ACAP3: variants seen among roughly 807,000 people sequenced by gnomAD.
ACAP3 encodes the protein arf-GAP with coiled-coil, ANK repeat and PH domain-containing protein 3.
Under a neutral mutation model 104.1 loss-of-function variants are expected in ACAP3, and 56 were observed. The ratio of observed to expected loss-of-function variants is 0.54; its 90% CI spans 0.43 to 0.67. The LOEUF (loss-of-function observed/expected upper bound fraction) is 0.67. Ranked by LOEUF, ACAP3 falls within the 30% of genes least tolerant of loss-of-function variation. ACAP3 has a pLI of 0.00. For missense variants in ACAP3, 1,208 were observed against 1,174.9 expected (o/e 1.03, Z -0.41); for synonymous variants, 628 against 496.2 (o/e 1.27, Z -3.53).
At chr1:1,300,315 T>C in intron 6 of ACAP3, 113 bp from the exon 7 acceptor site, 1 of 1,364,990 alleles carries the variant, frequency 7.3e-7, no homozygotes, top group Non-Finnish European at 9.9e-7. Flanking sequence ...CCCCAGGTCG[T>C]CTTCAGCTCC....
chr1:1,306,892 C>T (rs1281827834), intron 1 of ACAP3, among the ~76,000 whole-genome samples: 2 of 152,218 alleles, frequency 1.3e-5, no homozygotes, highest in Admixed American at 6.5e-5. Flanking sequence ...TGTGTGCACA[C>T]GCTTGCGTGC....
Position 1,300,685 on chromosome 1 carries a change from G to T in ACAP3, c.346C>A (p.Arg116=). Reference sequence around the variant, plus strand: ...TGCTTCTTTGTCTCCTTGAACTTCCGCACATCCCTGGAGGCCAAGTGCCAG... The same window carrying T: ...TGCTTCTTTGTCTCCTTGAACTTCCTCACATCCCTGGAGGCCAAGTGCCAG... ...QLQSFVKEDV[R]KFKETKKQFD... Residue 116 remains arginine (R), a synonymous_variant, in exon 6 of 24, where the codon CGG becomes AGG. Coordinates refer to ENST00000354700, the MANE Select transcript of ACAP3 (RefSeq NM_030649.3). The T allele has an allele frequency of 1.2e-6, 2 of 1,607,930 alleles. No individual in the cohort carries two copies. The highest frequency in any genetic ancestry group is 1.7e-6 in the Non-Finnish European group (2 of 1,178,420).
chr1:1,295,367 G>A (rs1348475789), intron 19 of ACAP3, 80 bp downstream of exon 19: 1 of 1,344,672 alleles, frequency 7.4e-7, no homozygotes, highest in African/African-American at 1.4e-5. Flanking sequence ...CCCTGGCAAG[G>A]GCCATCCACA....
chr1:1,298,627 C>T lies in ACAP3; in HGVS notation c.803G>A (p.Gly268Glu). Residue 268 changes from glycine to glutamate, a missense_variant, in exon 11 of 24, where the codon GGG becomes GAG. By Grantham distance (98) the Gly-to-Glu change is moderately conservative (BLOSUM62 -2). Coordinates refer to ENST00000354700, the MANE Select transcript of ACAP3 (RefSeq NM_030649.3). Reference sequence around the variant, plus strand: ...GAAGAGGTAGCCCTCCATCACCACCCCACTGGGCGCGTCCACGTCAAACTC... The same window carrying T: ...GAAGAGGTAGCCCTCCATCACCACCTCACTGGGCGCGTCCACGTCAAACTC... ...KVEFDVDAPS[G>E]VVMEGYLFKR... The T allele has an allele frequency of 1.2e-6, 2 of 1,612,494 alleles. No individual in the cohort carries two copies. Among genetic ancestry groups the T allele is most frequent in the Non-Finnish European group, 1.7e-6 (2 of 1,179,838 alleles).
At position 1,303,988 on chromosome 1, in the gene ACAP3, G is replaced by A. The variant is rs548627142; in HGVS notation, c.105+98C>T. The stretch of plus-strand genomic sequence containing the variant: ...GCACCACACGCATGCTCCACATATG[G>A]GGGGTGTAAGTGGCTTAGTAAGGCC... On this transcript the variant is annotated intron_variant, in intron 2 of 23. Transcript: ENST00000354700. The surrounding 1 kb of genome is among the most constrained non-coding windows in gnomAD (Gnocchi z 4.0). 1.5e-4 allele frequency: 212 copies of A among 1,401,250 alleles called. No homozygotes were observed. The African/African-American group carries it at 2.8e-3, about 18-fold the overall frequency. 86.8% of individuals were successfully genotyped at this position (1,401,250 alleles called of 1,614,324 possible). A position where few individuals can be genotyped will look rare whatever the true frequency, so the allele number is the denominator to read the frequency against.
rs2297234 is a variant in ACAP3 at position 1,298,200 on chromosome 1, G to T, written c.916-87C>A. On this transcript the variant is annotated intron_variant, in intron 12 of 23. Transcript: ENST00000354700. ...CCTGCTTCACCTTGGAGACCCGGAG[G>T]CCGACTGCCTGAGCCCCAAGCCCCG... 0.032 allele frequency: 49,867 copies of T among 1,561,850 alleles called. 7,687 individuals carry two copies. The East Asian group carries it at 0.48, about 15-fold the overall frequency.
chr1:1,298,618 A>G lies in ACAP3; in HGVS notation c.812T>C (p.Met271Thr), dbSNP rs758121165. 1.2e-6 allele frequency: 2 copies of G among 1,607,472 alleles called. No homozygotes were observed. Among genetic ancestry groups the G allele is most frequent in the African/African-American group, 1.4e-5 (1 of 73,092 alleles). The change falls in exon 11 of 24, where the codon ATG (methionine) becomes ACG (threonine). Residue 271 changes from methionine (M) to threonine (T), a missense_variant. Met to Thr is a moderately conservative substitution (Grantham distance 81). Coordinates refer to ENST00000354700, the MANE Select transcript of ACAP3 (RefSeq NM_030649.3). Reference protein sequence around the residue: ...FDVDAPSGVVMEGYLFKRASN... With the variant: ...FDVDAPSGVVTEGYLFKRASN... The stretch of plus-strand genomic sequence containing the variant: ...GGCCCTCTTGAAGAGGTAGCCCTCC[A>G]TCACCACCCCACTGGGCGCGTCCAC...
In ACAP3 at chr1:1,296,016, G is replaced by A. The variant is rs369571322; in HGVS notation, c.1501C>T (p.Arg501Trp). 2.5e-5 allele frequency: 40 copies of A among 1,612,586 alleles called. No homozygotes were observed. Among genetic ancestry groups the A allele is most frequent in the African/African-American group, 1.6e-4 (12 of 74,894 alleles). ...GATCCAGACTGTACCCCACCTCACC[G>A]GGAGCTGCTGGCTGTGGGTTTCCTG... ...GSRKPTASSS[R>W]QDKEAWIKDK... is the part of the protein sequence containing the mutation. The change falls in exon 17 of 24, where the codon CGG becomes TGG. Residue 501 changes from arginine (R) to tryptophan (W), a missense_variant and splice_region_variant. By Grantham distance (101) the Arg-to-Trp change is moderately radical. Coordinates refer to ENST00000354700, the MANE Select transcript of ACAP3 (RefSeq NM_030649.3).
chr1:1,306,867 C>G (rs1641737353), intron 1 of ACAP3, among the ~76,000 whole-genome samples: 1 of 152,250 alleles, frequency 6.6e-6, no homozygotes, highest in Non-Finnish European at 1.5e-5. Context: ...TACGTGAACC[C>G]ACACAGACAG....
rs1308132333 is a variant in ACAP3 at position 1,295,996 on chromosome 1, A to C, written c.1502+19T>G. The C allele has an allele frequency of 1.9e-6, 3 of 1,612,750 alleles. No homozygotes were observed. Among genetic ancestry groups the C allele is most frequent in the Non-Finnish European group, 2.5e-6 (3 of 1,179,952 alleles). On this transcript the variant is annotated intron_variant, in intron 17 of 23. Transcript: ENST00000354700. ...CAGGCTGGGGCTCCCTGACTGATCCAGACTGTACCCCACCTCACCGGGAGC... is the reference window on the plus strand; with the variant it reads ...CAGGCTGGGGCTCCCTGACTGATCCCGACTGTACCCCACCTCACCGGGAGC...
chr1:1,293,554 C>T lies in ACAP3; in HGVS notation c.*10G>A. The stretch of plus-strand genomic sequence containing the variant: ...CCGGGCGGGGTGGCAGCTGCCCGGC[C>T]TGCCCGGCCCTAGCTCTCTTCCAGG... On this transcript the variant is annotated 3_prime_UTR_variant, in exon 24 of 24. Coordinates refer to ENST00000354700, the MANE Select transcript of ACAP3 (RefSeq NM_030649.3). 6.8e-7 allele frequency: 1 copy of T among 1,466,498 alleles called. No homozygotes were observed. The highest frequency in any genetic ancestry group is 9.0e-7 in the Non-Finnish European group (1 of 1,115,066). The allele number at this position is 1,466,498 out of a possible 1,614,324, so 90.8% of individuals were successfully genotyped here. A position where few individuals can be genotyped will look rare whatever the true frequency, so the allele number is the denominator to read the frequency against.
Position 1,294,471 on chromosome 1 carries a change from G to T in ACAP3, c.2070C>A (p.His690Gln). The T allele has an allele frequency of 1.9e-6, 3 of 1,556,050 alleles. No individual in the cohort carries two copies. Among genetic ancestry groups the T allele is most frequent in the Non-Finnish European group, 1.7e-6 (2 of 1,157,372 alleles). The change falls in exon 21 of 24, where the codon CAC becomes CAA. Residue 690 changes from histidine to glutamine, a missense_variant. By Grantham distance (24) the His-to-Gln change is conservative. Coordinates refer to ENST00000354700, the MANE Select transcript of ACAP3 (RefSeq NM_030649.3). ...CGTCCGCCCAGTTGACCTCGGCCCC[G>T]TGGGCCAGCGCCGCCGCCAGCGCAG... ...DLPALAAALA[H>Q]GAEVNWADAE...
chr1:1,295,761 C>A lies in ACAP3; in HGVS notation c.1680G>T (p.Leu560=). ...ARRKVRLEPV[L]PCVAALSSVG... Reference sequence around the variant, plus strand: ...CTGAGGACAGAGCGGCCACACAGGGCAGAACGGGCTCAAGCCGGACCTTGC... The same window carrying A: ...CTGAGGACAGAGCGGCCACACAGGGAAGAACGGGCTCAAGCCGGACCTTGC... The change falls in exon 18 of 24, where the codon CTG becomes CTT. Residue 560 remains leucine, a synonymous_variant. Coordinates refer to ENST00000354700, the MANE Select transcript of ACAP3 (RefSeq NM_030649.3). The A allele has an allele frequency of 6.2e-7, 1 of 1,606,772 alleles. No homozygotes were observed. The highest frequency in any genetic ancestry group is 8.5e-7 in the Non-Finnish European group (1 of 1,179,168).
chr1:1,296,683 T>C (rs1041736336), intron 14 of ACAP3, 50 bp from the exon 15 acceptor site: 2 of 1,510,200 alleles, frequency 1.3e-6, no homozygotes, highest in African/African-American at 2.8e-5. Flanking sequence ...CCAGCATGGT[T>C]TCCCCAGCAG....
chr1:1,295,646 G>T, intron 18 of ACAP3, 90 bp downstream of exon 18: 1 of 1,547,434 alleles, frequency 6.5e-7, no homozygotes, highest in Non-Finnish European at 8.7e-7. Context: ...AGCCTGAGGT[G>T]CCCCCAGAGC....
chr1:1,296,489 C>G lies in ACAP3; in HGVS notation c.1273G>C (p.Asp425His). The change falls in exon 15 of 24, where the codon GAC (aspartate) becomes CAC (histidine). Residue 425 changes from aspartate (D) to histidine (H), a missense_variant. Transcript: ENST00000354700. The stretch of plus-strand genomic sequence containing the variant: ...AGGTTGATGCTGGCCCAGCGGGGGT[C>G]CGGCTGGCCGCAGTCGCCGCACTGG... ...NSQCGDCGQP[D>H]PRWASINLGV... 6.5e-7 allele frequency: 1 copy of G among 1,543,592 alleles called. No homozygotes were observed.
At chr1:1,297,792 G>A (rs202085708) in intron 14 of ACAP3, 30 bp downstream of exon 14, 41 of 1,601,136 alleles carry the variant, frequency 2.6e-5, no homozygotes, top group Middle Eastern at 1.8e-4. Flanking sequence ...TGTGTGCACG[G>A]GCTTGGGGCA....
At chr1:1,306,278 G>A (rs1641689662) in intron 1 of ACAP3, among the ~76,000 whole-genome samples, 1 of 152,132 alleles carries the variant, frequency 6.6e-6, no homozygotes, top group Non-Finnish European at 1.5e-5. Flanking sequence ...GACTGGAAGA[G>A]GGCAGTACAG....
chr1:1,299,587 C>A, intron 9 of ACAP3: 2 of 710,110 alleles, frequency 2.8e-6, no homozygotes, highest in South Asian at 4.0e-5. Context: ...CCGCAAGGAG[C>A]CAGTGACTGA....
Sources: allele counts gnomAD v4.1 joint callset (sites outside exome capture counted in the v4.1 genomes callset), GRCh38; gene constraint gnomAD v4.1.1; non-coding constraint Gnocchi (gnomAD v3.1); transcripts MANE v1.5; gene names NCBI Gene and HGNC (gene_info 2026-07-23, HGNC 2026-07-21).